Variants in MED27 observed in about 807,000 individuals in gnomAD.
MED27 encodes mediator complex subunit 27, also known as mediator of RNA polymerase II transcription subunit 27.
In MED27, 30 loss-of-function variants were observed where a neutral mutation model predicts 38.2. That is an observed-to-expected ratio of 0.79 (90% CI 0.59 to 1.07). The LOEUF is 1.07. Among genes scored for constraint, MED27 ranks in the 50% least tolerant of loss-of-function variants. The pLI is 0.00. For synonymous variants in MED27, 122 were observed against 153.5 expected, an observed-to-expected ratio of 0.79 and a Z score of 1.52; for missense variants, 289 against 397.5, an observed-to-expected ratio of 0.73 and a Z score of 2.32.
In MED27 at chr9:132,002,422, G is replaced by A. The variant is rs187123312; in HGVS notation, c.479+11915C>T. On this transcript the variant is annotated intron_variant, in intron 3 of 7. Coordinates refer to ENST00000292035, the MANE Select transcript of MED27 (RefSeq NM_004269.4). ...CTGCCCTAAAAGACTCAAGCTAGGA[G>A]ACAAACCCACTTCCCATGCATGCCT... Among the ~76,000 whole-genome samples, 361 of 152,310 alleles carry A rather than the reference G, an allele frequency of 2.4e-3. 5 individuals are homozygous for A. Among genetic ancestry groups the A allele is most frequent in the African/African-American group, 8.3e-3 (346 of 41,576 alleles).
At chr9:132,014,587 A>T in intron 2 of MED27, 120 bp from the exon 3 acceptor site, 1 of 962,258 alleles carries the variant, frequency 1.0e-6, no homozygotes. Flanking sequence ...AAGTAACTTC[A>T]AATACAACTG....
At chr9:131,940,509 A>G (rs1830767121) in intron 3 of MED27, among the ~76,000 whole-genome samples, 6 of 151,656 alleles carry the variant, frequency 4.0e-5, no homozygotes, top group Admixed American at 3.9e-4. Context: ...TCCGCCTCCC[A>G]GGTTCAAGAG....
At chr9:131,964,521 C>A (rs972437063) in intron 3 of MED27, among the ~76,000 whole-genome samples, 2 of 151,872 alleles carry the variant, frequency 1.3e-5, no homozygotes, top group African/African-American at 4.8e-5. Context: ...AAAATTTCAG[C>A]CACTAAGACA....
At chr9:132,042,862 T>C (rs1292299313) in intron 2 of MED27, among the ~76,000 whole-genome samples, 2 of 152,218 alleles carry the variant, frequency 1.3e-5, no homozygotes, top group African/African-American at 2.4e-5. Context: ...GTATTGATTG[T>C]ATAAAAGAGG....
intron 4 of MED27, among the ~76,000 whole-genome samples, chr9:131,934,687 T>C (rs1398200361): frequency 2.0e-5 from 3 of 152,170 alleles, no homozygotes; most frequent in Non-Finnish European, 4.4e-5. Context: ...AGCTACCATA[T>C]GACCCAGCAA....
chr9:132,058,473 T>C (rs1416918492), intron 2 of MED27, among the ~76,000 whole-genome samples: 1 of 151,916 alleles, frequency 6.6e-6, no homozygotes, highest in East Asian at 1.9e-4. Flanking sequence ...GCTCAGCACT[T>C]CTCTCTCGGT....
At chr9:131,900,110 G>C (rs1829910306) in intron 4 of MED27, among the ~76,000 whole-genome samples, 1 of 152,190 alleles carries the variant, frequency 6.6e-6, no homozygotes, top group Admixed American at 6.5e-5. Flanking sequence ...GAGAGTCAGG[G>C]GAGGCACTAT....
chr9:131,944,265 C>T (rs925501543), intron 3 of MED27, among the ~76,000 whole-genome samples: 1 of 152,178 alleles, frequency 6.6e-6, no homozygotes, highest in African/African-American at 2.4e-5. Context: ...CCAGTGTCCC[C>T]AACAATTTAC....
chr9:131,992,112 A>G (rs118131394), intron 3 of MED27, among the ~76,000 whole-genome samples: 1 of 152,170 alleles, frequency 6.6e-6, no homozygotes, highest in African/African-American at 2.4e-5. Context: ...ATTATCCTTC[A>G]TTGCCCAATT....
At chr9:131,869,131 C>T in intron 6 of MED27, 4 of 985,376 alleles carry the variant, frequency 4.1e-6, no homozygotes, top group Non-Finnish European at 4.8e-6. Context: ...TTCAATTTCC[C>T]ACCACCAATT....
chr9:132,006,932 T>G (rs1832371223), intron 3 of MED27, among the ~76,000 whole-genome samples: 2 of 152,214 alleles, frequency 1.3e-5, no homozygotes, highest in African/African-American at 4.8e-5. Context: ...AAACAGCATC[T>G]ACCACACATC....
chr9:131,942,113 C>T (rs2130971500), intron 3 of MED27, among the ~76,000 whole-genome samples: 1 of 152,254 alleles, frequency 6.6e-6, no homozygotes, highest in East Asian at 1.9e-4. Flanking sequence ...GCGTGAACCA[C>T]CGTGCCCAGC....
intron 3 of MED27, among the ~76,000 whole-genome samples, chr9:132,004,263 G>C (rs1287720470): frequency 6.6e-6 from 1 of 152,208 alleles, no homozygotes; most frequent in Non-Finnish European, 1.5e-5. Context: ...CATAACGACA[G>C]AGAGCATTTA....
At chr9:132,048,781 C>T (rs953155451) in intron 2 of MED27, among the ~76,000 whole-genome samples, 2 of 152,178 alleles carry the variant, frequency 1.3e-5, no homozygotes, top group African/African-American at 4.8e-5. Flanking sequence ...GCTTTGGCAG[C>T]ATGCTGGGGT....
intron 3 of MED27, among the ~76,000 whole-genome samples, chr9:131,969,386 T>C (rs1257600479): frequency 6.6e-6 from 1 of 152,228 alleles, no homozygotes; most frequent in African/African-American, 2.4e-5. Context: ...GTTGATTCAG[T>C]GTATATTTCA....
chr9:131,880,388 A>G (rs925231405), intron 6 of MED27, among the ~76,000 whole-genome samples: 2 of 152,246 alleles, frequency 1.3e-5, no homozygotes, highest in East Asian at 3.8e-4. Context: ...GTCCCTGAAA[A>G]AAAAGGACTT....
chr9:131,951,239 A>G (rs567833242), intron 3 of MED27, among the ~76,000 whole-genome samples: 1 of 152,374 alleles, frequency 6.6e-6, no homozygotes, highest in South Asian at 2.1e-4. Flanking sequence ...AATGCACACC[A>G]GACAAGTGTC....
At chr9:132,043,519 T>C (rs1357312036) in intron 2 of MED27, among the ~76,000 whole-genome samples, 1 of 152,130 alleles carries the variant, frequency 6.6e-6, no homozygotes, top group African/African-American at 2.4e-5. Context: ...GCATTTCACA[T>C]ATATGATATA....
intron 2 of MED27, among the ~76,000 whole-genome samples, chr9:132,016,213 A>G (rs887137589): frequency 2.6e-5 from 4 of 152,202 alleles, no homozygotes; most frequent in East Asian, 3.8e-4. Context: ...AACAAAACCA[A>G]TTGAAATGAT....
Sources: allele counts gnomAD v4.1 joint callset (sites outside exome capture counted in the v4.1 genomes callset), GRCh38; gene constraint gnomAD v4.1.1; transcripts MANE v1.5; gene names NCBI Gene and HGNC (gene_info 2026-07-23, HGNC 2026-07-21).